Variants in TMEM67 observed in about 807,000 individuals in gnomAD.
The protein encoded by TMEM67 is transmembrane protein 67, also known as meckelin.
A neutral mutation model predicts 136.6 loss-of-function variants in TMEM67; 124 were observed. The observed-to-expected ratio is 0.91, with a 90% CI of 0.78 to 1.05. TMEM67 has a LOEUF of 1.05. Ranked by LOEUF, TMEM67 falls within the 50% of genes least tolerant of loss-of-function variation. The probability of loss-of-function intolerance (pLI) is 0.00; values close to 1 mark genes in which losing one functional copy is unlikely to be tolerated. For missense variants in TMEM67, 1,107 were observed against 1,178.4 expected (o/e 0.94, Z 0.89); for synonymous variants, 364 against 390.5 (o/e 0.93, Z 0.80).
At chr8:93,824,152 T>C (rs1809078660), downstream of TMEM67, among the ~76,000 whole-genome samples, 1 of 152,248 alleles carries the variant, frequency 6.6e-6, no homozygotes, top group South Asian at 2.1e-4. Context: ...GATTTTAAAA[T>C]GAATAATAGA....
chr8:93,766,912 G>C (rs901990380), intron 6 of TMEM67, among the ~76,000 whole-genome samples: 1 of 152,038 alleles, frequency 6.6e-6, no homozygotes, highest in Non-Finnish European at 1.5e-5. Context: ...TGTCTTCTGG[G>C]GCATTCTTCT....
At chr8:93,824,406 C>T in the TMEM67 span, among the ~76,000 whole-genome samples, 2 of 152,340 alleles carry the variant, frequency 1.3e-5, no homozygotes, top group African/African-American at 2.4e-5. Flanking sequence ...TTAGCTTTAA[C>T]TCCCGGAGGG....
At chr8:93,785,983 T>A (rs770375955) in intron 12 of TMEM67, among the ~76,000 whole-genome samples, 2 of 152,092 alleles carry the variant, frequency 1.3e-5, no homozygotes, top group Non-Finnish European at 2.9e-5. Context: ...GGTGGGAGGA[T>A]CACTTGAGCC....
chr8:93,803,619 G>C lies in TMEM67; in HGVS notation c.2257G>C (p.Val753Leu), dbSNP rs1312696773. Residue 753 changes from valine (V) to leucine (L), a missense_variant, in exon 22 of 28, where the codon GTC becomes CTC. Physicochemically the swap from Val to Leu is conservative, Grantham distance 32. This residue lies in a region of TMEM67 where 925 missense variants were observed against 1,002.4 expected (regional missense o/e 0.92). Coordinates refer to ENST00000453321, the MANE Select transcript of TMEM67 (RefSeq NM_153704.6). ...AATGTTTCAGGTCGTGTTCTTTGCT[G>C]TCTTTTATGAGAGATTTATAGAAGA... ...IGIIQVVFFA[V>L]FYERFIEDKI... The C allele has an allele frequency of 2.5e-6, 4 of 1,600,626 alleles. No homozygotes were observed. In the South Asian group the frequency reaches 4.4e-5, roughly 18 times the overall value.
chr8:93,773,706 T>C (rs1813417642), intron 7 of TMEM67, among the ~76,000 whole-genome samples: 1 of 152,192 alleles, frequency 6.6e-6, no homozygotes, highest in Non-Finnish European at 1.5e-5. Flanking sequence ...ACAGGCAAAC[T>C]CAACAAATGA....
At chr8:93,830,434 CAG>C in the TMEM67 span, among the ~76,000 whole-genome samples, 1 of 152,200 alleles carries the variant, frequency 6.6e-6, no homozygotes, top group African/African-American at 2.4e-5. Flanking sequence ...GCCAGTCTGT[CAG>C]AACTTCTGGA....
chr8:93,774,135 C>T (rs1268760449), intron 7 of TMEM67, among the ~76,000 whole-genome samples: 1 of 152,050 alleles, frequency 6.6e-6, no homozygotes, highest in African/African-American at 2.4e-5. Context: ...CTGCCTCAGC[C>T]TCCTGGGTAG....
At chr8:93,805,133 C>T (rs1015108641) in intron 23 of TMEM67, among the ~76,000 whole-genome samples, 17 of 152,190 alleles carry the variant, frequency 1.1e-4, no homozygotes, top group African/African-American at 3.4e-4. Flanking sequence ...CCACTACACC[C>T]GGCTAATTTT....
intron 20 of TMEM67, among the ~76,000 whole-genome samples, chr8:93,798,285 T>C (rs1325989043): frequency 6.6e-6 from 1 of 151,032 alleles, no homozygotes; most frequent in East Asian, 1.9e-4. Context: ...TTAGAGACTA[T>C]GTGTTGATTT....
intron 13 of TMEM67, 89 bp downstream of exon 13, chr8:93,786,435 A>C: frequency 6.9e-7 from 1 of 1,446,312 alleles, no homozygotes; most frequent in Non-Finnish European, 9.6e-7. Flanking sequence ...AATAAGGACA[A>C]CTGAATTGGA....
Position 93,754,919 on chromosome 8 carries a change from C to T in TMEM67, c.5C>T (p.Ala2Val), listed in dbSNP as rs770813739. M[A>V]TRGGAGVAMA... ...GAGGCTTCCAGCGTCGGTACCATGG[C>T]GACGCGCGGTGGGGCTGGGGTGGCA... The change falls in exon 1 of 28, where the codon GCG (alanine) becomes GTG (valine). Residue 2 changes from alanine to valine, a missense_variant. Physicochemically the swap from Ala to Val is moderately conservative, Grantham distance 64 (BLOSUM62 0). Transcript: ENST00000453321. 1.9e-6 allele frequency: 3 copies of T among 1,613,676 alleles called. No individual in the cohort carries two copies. The highest frequency in any genetic ancestry group is 4.5e-5 in the East Asian group (2 of 44,876).
intron 15 of TMEM67, 103 bp from the exon 16 acceptor site, chr8:93,793,095 C>A: frequency 9.5e-7 from 1 of 1,052,888 alleles, no homozygotes; most frequent in Non-Finnish European, 1.5e-6. Flanking sequence ...TTCAACATTT[C>A]CCACCCCACC....
chr8:93,807,113 T>G (rs116024425), intron 23 of TMEM67, among the ~76,000 whole-genome samples: 3,469 of 152,190 alleles, frequency 0.023, 123 homozygotes, highest in African/African-American at 0.078. Flanking sequence ...TTAGCAAACT[T>G]TTTTTGAAAA....
In TMEM67 at chr8:93,778,402, G is replaced by A. The variant is rs183887746; in HGVS notation, c.715-2191G>A. 1.2e-3 allele frequency among the ~76,000 whole-genome samples: 183 copies of A among 152,306 alleles called. 1 individual carries two copies. The highest frequency in any genetic ancestry group is 3.4e-4 in the Non-Finnish European group (23 of 68,028). ...GTGAATTTGATCCTGTCATTATGAT[G>A]TTAGCTGGTCATTTTGCCCATTAGT... On this transcript the variant is annotated intron_variant, in intron 7 of 27. Transcript: ENST00000453321.
intron 13 of TMEM67, among the ~76,000 whole-genome samples, chr8:93,787,052 T>C (rs902077072): frequency 8.5e-5 from 13 of 152,206 alleles, no homozygotes; most frequent in African/African-American, 2.9e-4. Flanking sequence ...CTTTTCAGCA[T>C]TTCTTCAGTC....
rs756164489 is a variant in TMEM67 at position 93,795,897 on chromosome 8, A to G, written c.1774-4A>G. On this transcript the variant is annotated splice_region_variant and splice_polypyrimidine_tract_variant and intron_variant, in intron 17 of 27. Coordinates refer to ENST00000453321, the MANE Select transcript of TMEM67 (RefSeq NM_153704.6). ...AATATTTAATCAAGTAATTTTTATTATAGGCACAGAAGTCTGTGTCTGTTT... is the reference window on the plus strand; with the variant it reads ...AATATTTAATCAAGTAATTTTTATTGTAGGCACAGAAGTCTGTGTCTGTTT... 8 of 1,581,690 alleles carry G rather than the reference A, an allele frequency of 5.1e-6. No homozygotes were observed. The highest frequency in any genetic ancestry group is 4.1e-5 in the African/African-American group (3 of 74,026).
chr8:93,794,576 A>G (rs899009957), intron 16 of TMEM67, among the ~76,000 whole-genome samples: 2 of 152,222 alleles, frequency 1.3e-5, no homozygotes, highest in Non-Finnish European at 2.9e-5. Flanking sequence ...AGAACATGAG[A>G]AAGGTTACAT....
intron 3 of TMEM67, among the ~76,000 whole-genome samples, chr8:93,761,810 T>G (rs185607016): frequency 3.9e-5 from 6 of 152,350 alleles, no homozygotes; most frequent in African/African-American, 9.6e-5. Context: ...ATTCCACTAT[T>G]TAGCTTTTTA....
intron 6 of TMEM67, among the ~76,000 whole-genome samples, chr8:93,768,609 C>CA (rs1373390840): frequency 2.6e-5 from 4 of 151,694 alleles, no homozygotes; most frequent in Non-Finnish European, 5.9e-5. Flanking sequence ...GACTCTGTCT[C>CA]AAAAAAATAA....
Sources: allele counts gnomAD v4.1 joint callset (sites outside exome capture counted in the v4.1 genomes callset), GRCh38; gene constraint gnomAD v4.1.1; regional missense constraint gnomAD v4.1.1; transcripts MANE v1.5; gene names NCBI Gene and HGNC (gene_info 2026-07-23, HGNC 2026-07-21).